The following IFT88 variants were observed in gnomAD, a reference collection of about 807,000 sequenced individuals.
The protein encoded by IFT88 is intraflagellar transport 88, also known as intraflagellar transport protein 88 homolog.
Under a neutral mutation model 119.5 loss-of-function variants are expected in IFT88, and 74 were observed. That is an observed-to-expected ratio of 0.62 (90% CI 0.51 to 0.75). The LOEUF is 0.75. IFT88 is among the 30% of genes least tolerant of loss of function. The pLI is 0.00. For missense variants in IFT88, 961 were observed against 977.7 expected (o/e 0.98, Z 0.23); for synonymous variants, 279 against 316.7 (o/e 0.88, Z 1.26).
rs377400192 is a variant in IFT88, at chr13:20,605,561, TTCTAC to T, written c.1112+458_1112+462del. 3.9e-4 allele frequency among the ~76,000 whole-genome samples: 59 copies of T among 152,308 alleles called. 1 individual carries two copies. The East Asian group carries it at 9.6e-3, about 25-fold the overall frequency. On this transcript the variant is annotated intron_variant, in intron 13 of 25. Coordinates refer to ENST00000351808, the MANE Select transcript of IFT88 (RefSeq NM_006531.5). The stretch of plus-strand genomic sequence containing the variant: ...CCTCTAATATGGTACTACAACTTGT[TTCTAC>T]TTACAACACTTCTGACACCAAATGT...
chr13:20,573,442 A>T (rs142518629), intron 1 of IFT88, among the ~76,000 whole-genome samples: 1 of 152,194 alleles, frequency 6.6e-6, no homozygotes, highest in East Asian at 1.9e-4. Flanking sequence ...GGCTCAAGTA[A>T]ACTTTTTAGA....
chr13:20,615,750 A>T (rs769865250), intron 13 of IFT88, 43 bp from the exon 14 acceptor site: 13 of 1,160,394 alleles, frequency 1.1e-5, no homozygotes, highest in Non-Finnish European at 1.6e-5. Context: ...AAACTATTTT[A>T]TACTGTATCT....
At chr13:20,634,969 G>A (rs759544269) in intron 16 of IFT88, among the ~76,000 whole-genome samples, 1 of 118,272 alleles carries the variant, frequency 8.5e-6, no homozygotes, top group Non-Finnish European at 1.7e-5. Flanking sequence ...CCCACAACAG[G>A]CCCCGGTGTG....
In IFT88 at chr13:20,670,629, T is replaced by C. The variant is rs2055654886; in HGVS notation, c.2176-344T>C. 4.8e-5 allele frequency among the ~76,000 whole-genome samples: 7 copies of C among 145,364 alleles called. No individual in the cohort carries two copies. In the South Asian group the frequency reaches 1.7e-3, roughly 35 times the overall value. ...CCTTTTGTAGATTCTTATCCCCTCC[T>C]CACCCATCCCTCCCTTAAACTAAAG... On this transcript the variant is annotated intron_variant, in intron 23 of 25. Coordinates refer to ENST00000351808, the MANE Select transcript of IFT88 (RefSeq NM_006531.5).
chr13:20,669,660 G>T (rs1338742319), intron 23 of IFT88, among the ~76,000 whole-genome samples: 7 of 152,024 alleles, frequency 4.6e-5, no homozygotes, highest in African/African-American at 1.7e-4. Context: ...CTGACCTCAG[G>T]TAATCCACCC....
intron 22 of IFT88, among the ~76,000 whole-genome samples, chr13:20,656,763 A>AT (rs1204679954): frequency 1.3e-5 from 2 of 152,248 alleles, no homozygotes; most frequent in East Asian, 3.8e-4. Context: ...TAGGAAAGAC[A>AT]TTTTTAACTG....
intron 13 of IFT88, among the ~76,000 whole-genome samples, chr13:20,609,103 G>C (rs920746765): frequency 1.3e-5 from 2 of 152,106 alleles, no homozygotes; most frequent in Admixed American, 1.3e-4. Context: ...TGTGTGTTTA[G>C]CCTCGATCCC....
intron 16 of IFT88, among the ~76,000 whole-genome samples, chr13:20,633,678 T>A (rs533751347): frequency 7.2e-5 from 11 of 152,310 alleles, no homozygotes; most frequent in African/African-American, 2.6e-4. Context: ...TTAGATTTAA[T>A]CAACCAAGCA....
At chr13:20,670,589 A>ATGG (rs1341126066) in intron 23 of IFT88, among the ~76,000 whole-genome samples, 3 of 145,108 alleles carry the variant, frequency 2.1e-5, no homozygotes, top group Non-Finnish European at 4.5e-5. Context: ...ATGAGGACTA[A>ATGG]TGGCAAGAAA....
rs776892566 is a variant in IFT88, at chr13:20,599,574, A to C, written c.812+9A>C. ...GTCAATAAGCAAATGAGGTAAGTTT[A>C]TAACAATAGATAATAATTGTAAAAT... On this transcript the variant is annotated intron_variant, in intron 11 of 25. Transcript: ENST00000351808. 3.6e-6 allele frequency: 4 copies of C among 1,111,766 alleles called. No individual in the cohort carries two copies. The highest frequency in any genetic ancestry group is 2.7e-6 in the Non-Finnish European group (2 of 753,220). The allele number at this position is 1,111,766 out of a possible 1,614,324, so 68.9% of individuals were successfully genotyped here.
At chr13:20,612,729 A>G (rs2044787201) in intron 13 of IFT88, among the ~76,000 whole-genome samples, 1 of 152,226 alleles carries the variant, frequency 6.6e-6, no homozygotes, top group Non-Finnish European at 1.5e-5. Context: ...AGAAAGCAAC[A>G]TTGATGAAGA....
intron 14 of IFT88, among the ~76,000 whole-genome samples, chr13:20,618,837 T>C (rs1305471652): frequency 2.1e-5 from 3 of 145,836 alleles, no homozygotes; most frequent in Non-Finnish European, 3.0e-5. Context: ...CTTCTTTGTA[T>C]ATGATTAAAT....
chr13:20,614,447 G>A (rs2045235518), intron 13 of IFT88: 1 of 152,126 alleles, frequency 6.6e-6, no homozygotes, highest in South Asian at 2.1e-4. Flanking sequence ...GAAGTATACT[G>A]TGCAAAAATA....
At chr13:20,632,323 C>G (rs1446485190) in intron 16 of IFT88, among the ~76,000 whole-genome samples, 1 of 152,032 alleles carries the variant, frequency 6.6e-6, no homozygotes, top group Non-Finnish European at 1.5e-5. Context: ...GTAGAAGAAG[C>G]CTATAAGAGC....
intron 12 of IFT88, among the ~76,000 whole-genome samples, chr13:20,603,209 A>T (rs2042886829): frequency 6.6e-6 from 1 of 151,988 alleles, no homozygotes; most frequent in Non-Finnish European, 1.5e-5. Context: ...ACAGAGTTGA[A>T]CTTTTAATAG....
intron 24 of IFT88, among the ~76,000 whole-genome samples, chr13:20,678,845 G>T (rs2056998916): frequency 1.3e-5 from 2 of 152,232 alleles, no homozygotes; most frequent in South Asian, 4.2e-4. Context: ...CAAGATTTGG[G>T]ATCTGCATCG....
At chr13:20,688,968 C>T (rs1186981120) in intron 24 of IFT88, among the ~76,000 whole-genome samples, 4 of 151,842 alleles carry the variant, frequency 2.6e-5, no homozygotes, top group Non-Finnish European at 5.9e-5. Context: ...AGAATCTCAC[C>T]CTGTAGCCCA....
intron 3 of IFT88, among the ~76,000 whole-genome samples, chr13:20,584,291 T>C (rs895258853): frequency 2.6e-5 from 4 of 152,278 alleles, no homozygotes; most frequent in Admixed American, 2.6e-4. Flanking sequence ...TTTCCATTTG[T>C]TTATGTCTTC....
At chr13:20,587,534 A>G (rs2039905415) in intron 3 of IFT88, among the ~76,000 whole-genome samples, 1 of 152,182 alleles carries the variant, frequency 6.6e-6, no homozygotes, top group African/African-American at 2.4e-5. Context: ...CTGGGATTAC[A>G]AGCATGAGCC....
Sources: gnomAD v4.1 joint callset for allele counts (sites outside exome capture counted in the v4.1 genomes callset) on GRCh38, gnomAD v4.1.1 for gene constraint, MANE v1.5 for transcripts, NCBI Gene and HGNC (gene_info 2026-07-23, HGNC 2026-07-21) for gene names.